CECR2: variants seen among roughly 807,000 people sequenced by gnomAD.
CECR2 encodes chromatin remodeling regulator CECR2.
In CECR2, 30 loss-of-function variants were observed where a neutral mutation model predicts 154.5. The ratio of observed to expected loss-of-function variants is 0.19; its 90% CI spans 0.15 to 0.26. CECR2 has a LOEUF of 0.26. Ranked by LOEUF, CECR2 falls within the 10% of genes least tolerant of loss-of-function variation. CECR2 has a pLI of 1.00. For synonymous variants in CECR2, 725 were observed against 683.7 expected (o/e 1.06, Z -0.94); for missense variants, 1,743 against 1,829.3 (o/e 0.95, Z 0.86).
upstream of CECR2, among the ~76,000 whole-genome samples, chr22:17,366,587 G>C (rs1462347826): frequency 3.3e-5 from 5 of 152,148 alleles, no homozygotes; most frequent in Non-Finnish European, 5.9e-5. Flanking sequence ...AAGGGAGAAG[G>C]GAAGAAGGGT....
chr22:17,441,244 C>G (rs1022182093), intron 1 of CECR2, among the ~76,000 whole-genome samples: 3 of 152,176 alleles, frequency 2.0e-5, no homozygotes, highest in Non-Finnish European at 4.4e-5. Context: ...GCCACCATGC[C>G]TGGCCTATTA....
chr22:17,548,750 C>T lies in CECR2; in HGVS notation c.3463C>T (p.Pro1155Ser). The T allele has an allele frequency of 6.2e-7, 1 of 1,613,756 alleles. No individual in the cohort carries two copies. Among genetic ancestry groups the T allele is most frequent in the Non-Finnish European group, 8.5e-7 (1 of 1,179,836 alleles). The change falls in exon 17 of 19, where the codon CCC becomes TCC. Residue 1155 changes from proline to serine, a missense_variant. Pro to Ser is a moderately conservative substitution (Grantham distance 74). Transcript: ENST00000262608. ...VMGGKSPASH[P>S]QHFPPRGFQS... ...GGGAGGGAAGTCCCCAGCATCCCAT[C>T]CCCAGCATTTTCCCCCAAGGGGCTT...
At position 17,540,705 on chromosome 22, in the gene CECR2, C is replaced by G; in HGVS notation, c.1789C>G (p.Pro597Ala). Residue 597 changes from proline (P) to alanine (A), a missense_variant, in exon 14 of 19, where the codon CCC becomes GCC. Physicochemically the swap from Pro to Ala is conservative, Grantham distance 27 (BLOSUM62 -1). Coordinates refer to ENST00000262608, the MANE Select transcript of CECR2 (RefSeq NM_001290047.2). ...CGATCAGAGCAGCAGCTCCACACAG[C>G]CCCCGCGGGAGGTGGGCACTTCCAA... ...GDDQSSSSTQ[P>A]PREVGTSNGR... 6.2e-7 allele frequency: 1 copy of G among 1,613,292 alleles called. No homozygotes were observed. The highest frequency in any genetic ancestry group is 8.5e-7 in the Non-Finnish European group (1 of 1,179,558).
At chr22:17,533,631 TA>T (rs199694895) in intron 9 of CECR2, among the ~76,000 whole-genome samples, 5 of 150,402 alleles carry the variant, frequency 3.3e-5, no homozygotes, top group African/African-American at 9.7e-5. Context: ...CTCTGTCTCC[TA>T]AAAAAAAAGA....
chr22:17,518,624 G>C (rs1447242711), intron 8 of CECR2: 1 of 424,516 alleles, frequency 2.4e-6, no homozygotes, highest in Non-Finnish European at 4.8e-6. Context: ...TTCCCCATGG[G>C]CTTGGCACTC....
chr22:17,429,213 T>A (rs946655676), intron 1 of CECR2, among the ~76,000 whole-genome samples: 3 of 151,920 alleles, frequency 2.0e-5, no homozygotes, highest in African/African-American at 7.3e-5. Flanking sequence ...GCACAGTGAT[T>A]GGTACAAAGA....
intron 1 of CECR2, among the ~76,000 whole-genome samples, chr22:17,379,544 A>G (rs1035769710): frequency 6.6e-6 from 1 of 150,802 alleles, no homozygotes; most frequent in Admixed American, 6.6e-5. Flanking sequence ...GGCGTTATCC[A>G]TGACCAGGTC....
At chr22:17,370,215 G>A (rs1255758324) in intron 1 of CECR2, among the ~76,000 whole-genome samples, 2 of 150,876 alleles carry the variant, frequency 1.3e-5, no homozygotes, top group Non-Finnish European at 3.0e-5. Flanking sequence ...GACCCTCCCG[G>A]GACTTCTCCG....
intron 8 of CECR2, among the ~76,000 whole-genome samples, chr22:17,512,851 G>A (rs1421021566): frequency 6.6e-6 from 1 of 152,100 alleles, no homozygotes; most frequent in Non-Finnish European, 1.5e-5. Context: ...TCTGTGGGGA[G>A]ATGAAATTCT....
intron 2 of CECR2, among the ~76,000 whole-genome samples, chr22:17,495,100 T>C (rs115584900): frequency 6.6e-6 from 1 of 152,372 alleles, no homozygotes; most frequent in African/African-American, 2.4e-5. Context: ...AACATAGTAG[T>C]TGCCTAATTT....
intron 1 of CECR2, among the ~76,000 whole-genome samples, chr22:17,446,178 C>T (rs981620656): frequency 2.6e-5 from 4 of 152,128 alleles, no homozygotes; most frequent in African/African-American, 9.7e-5. Context: ...CACTGAAAAA[C>T]ACTGTTCTGG....
At chr22:17,516,573 G>T (rs1282734854) in intron 8 of CECR2, among the ~76,000 whole-genome samples, 1 of 152,122 alleles carries the variant, frequency 6.6e-6, no homozygotes, top group African/African-American at 2.4e-5. Context: ...TTGTGATGGT[G>T]TGTGAGTTCT....
chr22:17,436,198 T>A (rs1328482308), intron 1 of CECR2, among the ~76,000 whole-genome samples: 1 of 152,198 alleles, frequency 6.6e-6, no homozygotes, highest in Non-Finnish European at 1.5e-5. Context: ...GATCTCGTGA[T>A]CTGCCCGCCT....
chr22:17,487,094 C>T (rs1426277193), intron 2 of CECR2, among the ~76,000 whole-genome samples: 1 of 152,214 alleles, frequency 6.6e-6, no homozygotes, highest in Admixed American at 6.5e-5. Flanking sequence ...CTTTGCCTTT[C>T]TCTTTCAATA....
intron 1 of CECR2, among the ~76,000 whole-genome samples, chr22:17,443,113 T>C (rs573662451): frequency 1.3e-5 from 2 of 152,310 alleles, no homozygotes; most frequent in Non-Finnish European, 2.9e-5. Context: ...TGAGCGTCTC[T>C]TCCTGCCCTC....
chr22:17,540,670 C>G lies in CECR2; in HGVS notation c.1754C>G (p.Ser585Cys). 5 of 1,614,006 alleles carry G rather than the reference C, an allele frequency of 3.1e-6. No individual in the cohort carries two copies. The highest frequency in any genetic ancestry group is 4.2e-6 in the Non-Finnish European group (5 of 1,179,884). The change falls in exon 14 of 19, where the codon TCT (serine) becomes TGT (cysteine). Residue 585 changes from serine (S) to cysteine (C), a missense_variant. This residue lies in a region of CECR2 where 1,250 missense variants were observed against 1,192.1 expected (regional missense o/e 1.05). Transcript: ENST00000262608. ...KSLPPTRRAP[S>C]SGDDQSSSST... ...TTGCCCCCCACACGCCGAGCGCCCT[C>G]TTCTGGGGACGATCAGAGCAGCAGC...
intron 1 of CECR2, among the ~76,000 whole-genome samples, chr22:17,413,258 AGT>A (rs2054093727): frequency 6.6e-6 from 1 of 152,166 alleles, no homozygotes; most frequent in Non-Finnish European, 1.5e-5. Flanking sequence ...AACCTTGGAG[AGT>A]GTGGAGGAAA....
intron 1 of CECR2, among the ~76,000 whole-genome samples, chr22:17,378,262 T>G (rs557523977): frequency 1.3e-5 from 2 of 149,942 alleles, no homozygotes; most frequent in East Asian, 3.9e-4. Flanking sequence ...GGATTACAGG[T>G]GTGAGCCACC....
chr22:17,454,948 AG>A (rs928478758), intron 1 of CECR2, among the ~76,000 whole-genome samples: 1 of 152,190 alleles, frequency 6.6e-6, no homozygotes, highest in Non-Finnish European at 1.5e-5. Context: ...CACCGAACAA[AG>A]GAGACAGGGT....
Sources: allele counts gnomAD v4.1 joint callset (sites outside exome capture counted in the v4.1 genomes callset), GRCh38; gene constraint gnomAD v4.1.1; regional missense constraint gnomAD v4.1.1; transcripts MANE v1.5; gene names NCBI Gene and HGNC (gene_info 2026-07-23, HGNC 2026-07-21).